NOL4: variants seen among roughly 807,000 people sequenced by gnomAD.
NOL4 encodes nucleolar protein 4, also known as cancer/testis antigen 125.
In NOL4, 17 loss-of-function variants were observed where a neutral mutation model predicts 75.9. The ratio of observed to expected loss-of-function variants is 0.22; its 90% CI spans 0.15 to 0.34. The LOEUF is 0.34. Ranked by LOEUF, NOL4 falls within the 10% of genes least tolerant of loss-of-function variation. The probability of loss-of-function intolerance (pLI) is 1.00; values close to 1 mark genes in which losing one functional copy is unlikely to be tolerated. For synonymous variants in NOL4, 292 were observed against 289.9 expected (o/e 1.01, Z -0.07); for missense variants, 614 against 793.5 (o/e 0.77, Z 2.72).
intron 10 of NOL4, among the ~76,000 whole-genome samples, chr18:33,862,644 T>C (rs987759562): frequency 1.3e-5 from 2 of 152,166 alleles, no homozygotes; most frequent in African/African-American, 4.8e-5. Context: ...AGAAGACATT[T>C]ATGCAGCCAA....
rs142091584 is a variant in NOL4 at position 34,020,668 on chromosome 18, G to A, written c.773-1067C>T. Among the ~76,000 whole-genome samples, 437 of 151,984 alleles carry A rather than the reference G, an allele frequency of 2.9e-3. 1 individual carries two copies. The highest frequency in any genetic ancestry group is 7.9e-3 in the Admixed American group (121 of 15,250). The stretch of plus-strand genomic sequence containing the variant: ...GATTATTATGTAGTTATTCAATATT[G>A]CATTTTAAGATATGGGGATGTGAGT... On this transcript the variant is annotated intron_variant, in intron 5 of 10. Coordinates refer to ENST00000261592, the MANE Select transcript of NOL4 (RefSeq NM_003787.5).
chr18:34,119,213 C>T (rs2080003885), intron 2 of NOL4, among the ~76,000 whole-genome samples: 1 of 152,234 alleles, frequency 6.6e-6, no homozygotes, highest in East Asian at 1.9e-4. Context: ...ATTTTTGCTT[C>T]GGAATCCTAA....
intron 1 of NOL4, among the ~76,000 whole-genome samples, chr18:34,163,795 C>A (rs1466772784): frequency 6.6e-6 from 1 of 152,038 alleles, no homozygotes; most frequent in Non-Finnish European, 1.5e-5. Flanking sequence ...CAATCCTAAG[C>A]CAAAAGAACA....
At chr18:34,129,778 T>C (rs937008917) in intron 2 of NOL4, 93 bp downstream of exon 2, 8 of 1,189,686 alleles carry the variant, frequency 6.7e-6, no homozygotes, top group East Asian at 2.6e-5. Context: ...ATGTTGAAGA[T>C]AGAATATTTA....
intron 6 of NOL4, among the ~76,000 whole-genome samples, chr18:33,968,132 C>T (rs1263164031): frequency 1.3e-5 from 2 of 151,732 alleles, no homozygotes; most frequent in Non-Finnish European, 2.9e-5. Flanking sequence ...AAAAAAATAG[C>T]GGATTCTGAC....
intron 9 of NOL4, among the ~76,000 whole-genome samples, chr18:33,936,670 C>T (rs1020110393): frequency 1.3e-5 from 2 of 152,028 alleles, no homozygotes; most frequent in Admixed American, 6.6e-5. Context: ...GCTGGGGAAG[C>T]CCTTAACTGG....
chr18:34,004,219 A>G (rs908867322), intron 6 of NOL4, among the ~76,000 whole-genome samples: 2 of 152,060 alleles, frequency 1.3e-5, no homozygotes, highest in African/African-American at 2.4e-5. Flanking sequence ...ACCAGTGTCC[A>G]TGTTACATGT....
At chr18:34,058,752 T>C (rs964790317) in intron 5 of NOL4, among the ~76,000 whole-genome samples, 6 of 152,094 alleles carry the variant, frequency 3.9e-5, no homozygotes, top group Non-Finnish European at 5.9e-5. Flanking sequence ...TGAGAGACCT[T>C]AAAAAATATG....
At chr18:34,209,008 G>A (rs775447696) in intron 1 of NOL4, among the ~76,000 whole-genome samples, 4 of 151,726 alleles carry the variant, frequency 2.6e-5, no homozygotes, top group African/African-American at 7.3e-5. Context: ...TCAGGAGTTC[G>A]AGACCAGCTT....
At chr18:34,178,734 T>C (rs1206158623) in intron 1 of NOL4, among the ~76,000 whole-genome samples, 1 of 151,408 alleles carries the variant, frequency 6.6e-6, no homozygotes, top group Non-Finnish European at 1.5e-5. Flanking sequence ...AGGGGTGAAA[T>C]AGTTCAGAAA....
intron 1 of NOL4, among the ~76,000 whole-genome samples, chr18:34,175,743 G>A (rs910106670): frequency 6.6e-6 from 1 of 152,096 alleles, no homozygotes; most frequent in African/African-American, 2.4e-5. Flanking sequence ...TCACTATGCT[G>A]AGAAATGACT....
chr18:33,874,667 G>T (rs1421475307), intron 10 of NOL4, among the ~76,000 whole-genome samples: 1 of 152,000 alleles, frequency 6.6e-6, no homozygotes, highest in Non-Finnish European at 1.5e-5. Flanking sequence ...AAATGGTGGG[G>T]AGAAGCTGGT....
intron 5 of NOL4, among the ~76,000 whole-genome samples, chr18:34,041,820 T>C (rs2076153801): frequency 6.6e-6 from 1 of 151,966 alleles, no homozygotes; most frequent in Admixed American, 6.6e-5. Flanking sequence ...GTTCTACAAG[T>C]CATATTTAGC....
At chr18:33,938,281 C>A (rs952331344) in intron 9 of NOL4, among the ~76,000 whole-genome samples, 1 of 152,024 alleles carries the variant, frequency 6.6e-6, no homozygotes, top group East Asian at 1.9e-4. Flanking sequence ...AATTGCCCAA[C>A]AAGTTTTTAG....
At chr18:34,191,493 T>A (rs1046689918) in intron 1 of NOL4, among the ~76,000 whole-genome samples, 4 of 152,140 alleles carry the variant, frequency 2.6e-5, no homozygotes, top group Non-Finnish European at 4.4e-5. Context: ...GAAGGTATCA[T>A]CATGACCCAT....
chr18:34,206,373 C>T (rs1322980804), intron 1 of NOL4, among the ~76,000 whole-genome samples: 2 of 152,072 alleles, frequency 1.3e-5, no homozygotes, highest in Non-Finnish European at 2.9e-5. Context: ...ATTACTGAAG[C>T]TCCAGATATC....
At chr18:34,208,042 A>G (rs1383558387) in intron 1 of NOL4, among the ~76,000 whole-genome samples, 1 of 152,146 alleles carries the variant, frequency 6.6e-6, no homozygotes, top group Non-Finnish European at 1.5e-5. Flanking sequence ...GGACAGAAAG[A>G]GCTTTTCTTC....
intron 5 of NOL4, among the ~76,000 whole-genome samples, chr18:34,026,140 A>C (rs1261266414): frequency 1.3e-5 from 2 of 152,070 alleles, no homozygotes; most frequent in African/African-American, 4.8e-5. Context: ...TTTGTTCTCA[A>C]ATCTGTTCTC....
chr18:33,893,535 G>T (rs1680521913), intron 9 of NOL4, among the ~76,000 whole-genome samples: 1 of 152,038 alleles, frequency 6.6e-6, no homozygotes, highest in Non-Finnish European at 1.5e-5. Context: ...TTGACAATAG[G>T]TTTTAATAAA....
Sources: allele counts gnomAD v4.1 joint callset (sites outside exome capture counted in the v4.1 genomes callset), GRCh38; gene constraint gnomAD v4.1.1; transcripts MANE v1.5; gene names NCBI Gene and HGNC (gene_info 2026-07-23, HGNC 2026-07-21).